Variants in FAM135A observed in about 807,000 individuals in gnomAD.
FAM135A encodes family with sequence similarity 135 member A.
A neutral mutation model predicts 146.8 loss-of-function variants in FAM135A; 79 were observed. That is an observed-to-expected ratio of 0.54 (90% CI 0.45 to 0.65). The LOEUF (loss-of-function observed/expected upper bound fraction) is 0.65. FAM135A is among the 30% of genes least tolerant of loss of function. The pLI is 0.00. For synonymous variants in FAM135A, 562 were observed against 603.6 expected (o/e 0.93, Z 1.01); for missense variants, 1,623 against 1,758.2 (o/e 0.92, Z 1.38).
intron 5 of FAM135A, among the ~76,000 whole-genome samples, chr6:70,462,017 A>G (rs527504280): frequency 3.7e-4 from 56 of 152,272 alleles, no homozygotes; most frequent in African/African-American, 1.3e-3. Context: ...CAGTAGTTAA[A>G]ATGCTGAAAT....
intron 13 of FAM135A, 86 bp from the exon 14 acceptor site, chr6:70,523,881 G>A: frequency 7.4e-7 from 1 of 1,343,346 alleles, no homozygotes; most frequent in Non-Finnish European, 1.0e-6. Flanking sequence ...AGGAATTGAG[G>A]AGGGAAGGGG....
intron 20 of FAM135A, 33 bp downstream of exon 20, chr6:70,538,434 A>G (rs540573615): frequency 2.9e-5 from 35 of 1,216,730 alleles, no homozygotes; most frequent in Middle Eastern, 4.2e-4. Context: ...GAAAATATAC[A>G]TGTGAAAACT....
chr6:70,430,386 A>G (rs992114552), intron 4 of FAM135A, among the ~76,000 whole-genome samples: 34 of 152,270 alleles, frequency 2.2e-4, no homozygotes, highest in African/African-American at 7.7e-4. Flanking sequence ...GTCTCCTTCA[A>G]TTGACACACT....
chr6:70,553,673 C>T (rs1008966199), intron 20 of FAM135A, among the ~76,000 whole-genome samples: 6 of 150,920 alleles, frequency 4.0e-5, no homozygotes, highest in South Asian at 2.1e-4. Flanking sequence ...ATTTTCTAAA[C>T]GTTACAATGA....
At chr6:70,535,757 CA>C (rs1163123865) in intron 18 of FAM135A, 2 of 152,248 alleles carry the variant, frequency 1.3e-5, no homozygotes, top group African/African-American at 4.8e-5. Context: ...TAGGAAAATG[CA>C]TATATTTTAC....
chr6:70,488,534 T>G (rs1219897783), intron 10 of FAM135A, among the ~76,000 whole-genome samples: 2 of 150,736 alleles, frequency 1.3e-5, no homozygotes, highest in Non-Finnish European at 3.0e-5. Flanking sequence ...TAAATGGATA[T>G]ACAGTATACC....
chr6:70,500,766 G>A (rs1175776400), intron 11 of FAM135A, among the ~76,000 whole-genome samples: 1 of 152,130 alleles, frequency 6.6e-6, no homozygotes, highest in Non-Finnish European at 1.5e-5. Context: ...GCAGTTTATT[G>A]GAGGTCCACT....
Position 70,470,469 on chromosome 6 carries a change from G to T in FAM135A, c.158-4941G>T, listed in dbSNP as rs1320343718. ...CCTCCCAGGTTCAAGCAGTTCTCCTGCCTCAGCCTCCTAAGTAGCTGGGAT... is the reference window on the plus strand; with the variant it reads ...CCTCCCAGGTTCAAGCAGTTCTCCTTCCTCAGCCTCCTAAGTAGCTGGGAT... On this transcript the variant is annotated intron_variant, in intron 5 of 21. Coordinates refer to ENST00000418814, the MANE Select transcript of FAM135A (RefSeq NM_001162529.3). 2.0e-5 allele frequency among the ~76,000 whole-genome samples: 3 copies of T among 152,128 alleles called. No individual in the cohort carries two copies. The East Asian group carries it at 5.8e-4, about 29-fold the overall frequency.
chr6:70,528,089 C>T (rs978568117), intron 15 of FAM135A, among the ~76,000 whole-genome samples: 2 of 152,114 alleles, frequency 1.3e-5, no homozygotes, highest in African/African-American at 2.4e-5. Context: ...TTAAAGTGTT[C>T]ATTGTATTTG....
chr6:70,422,965 G>T lies in FAM135A; in HGVS notation c.-133-3474G>T, dbSNP rs146020547. On this transcript the variant is annotated intron_variant, in intron 2 of 21. Coordinates refer to ENST00000418814, the MANE Select transcript of FAM135A (RefSeq NM_001162529.3). ...GATAGGTGCTGAGGAAAAAATAAAG[G>T]ACTAAAGAGATATGGTATGCCAGGA... 1.9e-3 allele frequency among the ~76,000 whole-genome samples: 289 copies of T among 152,194 alleles called. 2 individuals carry two copies. Among genetic ancestry groups the T allele is most frequent in the African/African-American group, 6.6e-3 (272 of 41,512 alleles).
At chr6:70,454,985 A>T (rs1010468096) in intron 5 of FAM135A, among the ~76,000 whole-genome samples, 6 of 152,136 alleles carry the variant, frequency 3.9e-5, no homozygotes, top group Non-Finnish European at 7.4e-5. Context: ...TGTTAGCTTG[A>T]TGGGGATGGC....
At chr6:70,544,475 C>G (rs1258787189) in intron 20 of FAM135A, among the ~76,000 whole-genome samples, 2 of 152,052 alleles carry the variant, frequency 1.3e-5, no homozygotes, top group Non-Finnish European at 2.9e-5. Context: ...TTGCAGTGAA[C>G]CGAGATCTCG....
intron 5 of FAM135A, among the ~76,000 whole-genome samples, chr6:70,464,818 C>T (rs1780123686): frequency 6.9e-6 from 1 of 145,936 alleles, no homozygotes; most frequent in South Asian, 2.2e-4. Context: ...AGGCATGCAC[C>T]ACCACGCCTG....
intron 2 of FAM135A, chr6:70,418,239 T>G (rs1242478486): frequency 6.6e-6 from 1 of 152,206 alleles, no homozygotes; most frequent in Non-Finnish European, 1.5e-5. Context: ...ATGTGAGTGA[T>G]TGTAGGGCAA....
chr6:70,421,940 G>A (rs565245427), intron 2 of FAM135A, among the ~76,000 whole-genome samples: 3 of 152,262 alleles, frequency 2.0e-5, no homozygotes, highest in East Asian at 1.9e-4. Flanking sequence ...AGAATCTGCC[G>A]TGCATCATCT....
In FAM135A at chr6:70,560,104, G is replaced by T; in HGVS notation, c.*183G>T. Reference sequence around the variant, plus strand: ...ATCAACTTTACTTTCTAGGTAATGTGGCTGTGCAATATTTTTTTAATTTTA... The same window carrying T: ...ATCAACTTTACTTTCTAGGTAATGTTGCTGTGCAATATTTTTTTAATTTTA... On this transcript the variant is annotated 3_prime_UTR_variant, in exon 22 of 22. Transcript: ENST00000418814. 1 of 506,728 alleles carries T rather than the reference G, an allele frequency of 2.0e-6. No individual in the cohort carries two copies. Among genetic ancestry groups the T allele is most frequent in the South Asian group, 3.5e-5 (1 of 28,526 alleles). 31.4% of individuals were successfully genotyped at this position (506,728 alleles called of 1,614,324 possible).
At chr6:70,440,532 C>G (rs1774221441) in intron 4 of FAM135A, among the ~76,000 whole-genome samples, 1 of 151,954 alleles carries the variant, frequency 6.6e-6, no homozygotes, top group African/African-American at 2.4e-5. Context: ...ACTAAAAATA[C>G]AAAAAATTAG....
intron 1 of FAM135A, 166 bp downstream of exon 1, chr6:70,413,868 C>T (rs1000129171): frequency 1.2e-5 from 12 of 985,394 alleles, no homozygotes; most frequent in Non-Finnish European, 6.0e-6. Context: ...CTGGCCCCGG[C>T]CCCGTTGAAG....
chr6:70,534,462 G>A (rs902710193), intron 18 of FAM135A, among the ~76,000 whole-genome samples: 2 of 151,662 alleles, frequency 1.3e-5, no homozygotes, highest in African/African-American at 4.9e-5. Context: ...TGGGATTACA[G>A]GCATGCACCA....
Sources: allele counts gnomAD v4.1 joint callset (sites outside exome capture counted in the v4.1 genomes callset), GRCh38; gene constraint gnomAD v4.1.1; transcripts MANE v1.5; gene names NCBI Gene and HGNC (gene_info 2026-07-23, HGNC 2026-07-21).